The following MEF2A variants were observed in gnomAD, a reference collection of about 807,000 sequenced individuals.
MEF2A encodes the protein myocyte-specific enhancer factor 2A.
MEF2A carries 28 observed loss-of-function variants against 55.8 expected under a neutral mutation model. That is an observed-to-expected ratio of 0.50 (90% confidence interval 0.37 to 0.69). The LOEUF (loss-of-function observed/expected upper bound fraction) is 0.69. Among genes scored for constraint, MEF2A ranks in the 30% least tolerant of loss-of-function variants. The pLI, the probability that MEF2A is intolerant of heterozygous loss-of-function variation, is 0.00. For synonymous variants in MEF2A, 239 were observed against 227.1 expected (o/e 1.05, Z -0.47); for missense variants, 528 against 626.2 (o/e 0.84, Z 1.67).
intron 4 of MEF2A, among the ~76,000 whole-genome samples, chr15:99,655,005 A>T (rs997112538): frequency 6.6e-6 from 1 of 152,168 alleles, no homozygotes; most frequent in African/African-American, 2.4e-5. Context: ...TTCTAATTGT[A>T]CTGTTTAAAT....
chr15:99,574,476 G>A (rs1394813301), intron 1 of MEF2A, among the ~76,000 whole-genome samples: 4 of 152,134 alleles, frequency 2.6e-5, no homozygotes, highest in African/African-American at 7.2e-5. Context: ...ATCAGTGGGA[G>A]CCCAGAGCTT....
intron 2 of MEF2A, among the ~76,000 whole-genome samples, chr15:99,629,003 G>T: frequency 4.8e-5 from 6 of 125,364 alleles, no homozygotes; most frequent in East Asian, 2.4e-4. Context: ...ATTTTGGTTT[G>T]GCATTTCCCC....
intron 8 of MEF2A, among the ~76,000 whole-genome samples, chr15:99,698,137 A>C (rs2056786603): frequency 6.6e-6 from 1 of 152,230 alleles, no homozygotes; most frequent in Non-Finnish European, 1.5e-5. Flanking sequence ...TAGAGGAGAA[A>C]ATCCAACACA....
chr15:99,608,456 A>T (rs370476803), intron 2 of MEF2A, among the ~76,000 whole-genome samples: 2 of 152,206 alleles, frequency 1.3e-5, no homozygotes, highest in East Asian at 3.8e-4. Context: ...ACTTGTTATT[A>T]ATCAGAGAAA....
chr15:99,677,839 C>A (rs905901959), intron 7 of MEF2A, among the ~76,000 whole-genome samples: 2 of 151,952 alleles, frequency 1.3e-5, no homozygotes, highest in Non-Finnish European at 2.9e-5. Context: ...AAAAGGACAG[C>A]AAATTAAACA....
intron 10 of MEF2A, among the ~76,000 whole-genome samples, chr15:99,709,553 CTG>C (rs888209149): frequency 6.6e-6 from 1 of 152,236 alleles, no homozygotes; most frequent in African/African-American, 2.4e-5. Context: ...TGAGCACCAG[CTG>C]TGTCGCTTCA....
At chr15:99,680,816 G>A (rs1357198903) in intron 7 of MEF2A, among the ~76,000 whole-genome samples, 2 of 152,116 alleles carry the variant, frequency 1.3e-5, no homozygotes, top group African/African-American at 2.4e-5. Context: ...TCTAGTTTCA[G>A]TGATGCTGTA....
At chr15:99,670,995 G>A (rs1392217338) in intron 4 of MEF2A, among the ~76,000 whole-genome samples, 1 of 152,128 alleles carries the variant, frequency 6.6e-6, no homozygotes, top group Non-Finnish European at 1.5e-5. Flanking sequence ...TTCATGCATT[G>A]GTTATATCAT....
At chr15:99,617,223 G>A (rs576845377) in intron 2 of MEF2A, among the ~76,000 whole-genome samples, 2 of 149,350 alleles carry the variant, frequency 1.3e-5, no homozygotes, top group South Asian at 4.2e-4. Context: ...CTTCAGAACT[G>A]TATGAGAAGT....
intron 1 of MEF2A, among the ~76,000 whole-genome samples, chr15:99,584,184 A>G (rs1010895210): frequency 7.2e-5 from 11 of 152,204 alleles, no homozygotes; most frequent in African/African-American, 2.4e-4. Context: ...GACCACCGTC[A>G]TTTATGTGGT....
chr15:99,600,657 C>T (rs1972665661), intron 2 of MEF2A, among the ~76,000 whole-genome samples: 1 of 151,966 alleles, frequency 6.6e-6, no homozygotes, highest in South Asian at 2.1e-4. Flanking sequence ...TTTTTGAAAA[C>T]ATTATATTTT....
At chr15:99,683,820 A>T (rs185833354) in intron 7 of MEF2A, among the ~76,000 whole-genome samples, 1 of 151,882 alleles carries the variant, frequency 6.6e-6, no homozygotes, top group Admixed American at 6.6e-5. Context: ...AGAGCAGTGT[A>T]CCCTGTACCC....
intron 1 of MEF2A, among the ~76,000 whole-genome samples, chr15:99,597,786 T>C (rs7176008): frequency 0.46 from 70,089 of 151,976 alleles, 17,794 homozygotes; most frequent in Middle Eastern, 0.61. Flanking sequence ...TTAAGGAAAA[T>C]AGAAAAGAAC....
chr15:99,710,126 CCAGA>C (rs2058467941), intron 10 of MEF2A, among the ~76,000 whole-genome samples: 1 of 152,164 alleles, frequency 6.6e-6, no homozygotes, highest in Non-Finnish European at 1.5e-5. Flanking sequence ...TTGAATCATC[CCAGA>C]CAAAGAAATA....
intron 2 of MEF2A, among the ~76,000 whole-genome samples, chr15:99,627,638 G>C (rs547858908): frequency 2.6e-5 from 4 of 152,192 alleles, no homozygotes; most frequent in African/African-American, 9.6e-5. Flanking sequence ...TAGAATATTA[G>C]AATTACATTT....
At chr15:99,706,631 C>T in intron 9 of MEF2A, 98 bp from the exon 10 acceptor site, 1 of 1,335,920 alleles carries the variant, frequency 7.5e-7, no homozygotes, top group South Asian at 1.2e-5. Flanking sequence ...AAATGACATT[C>T]ATATGAAACT....
At chr15:99,637,933 G>GC (rs1015459202) in intron 3 of MEF2A, among the ~76,000 whole-genome samples, 3 of 152,078 alleles carry the variant, frequency 2.0e-5, no homozygotes, top group East Asian at 3.8e-4. Context: ...GTGAGCCACC[G>GC]CCCCCAGCCC....
intron 5 of MEF2A, 37 bp downstream of exon 5, chr15:99,671,491 T>C: frequency 6.2e-7 from 1 of 1,613,926 alleles, no homozygotes; most frequent in Non-Finnish European, 8.5e-7. Context: ...TTTTATTTGT[T>C]GATCCTTTTT....
intron 2 of MEF2A, among the ~76,000 whole-genome samples, chr15:99,608,547 T>G (rs1975947912): frequency 1.3e-5 from 2 of 152,214 alleles, no homozygotes; most frequent in Admixed American, 1.3e-4. Context: ...CCCATCCTGT[T>G]TTTGTTTTGG....
Sources: allele counts gnomAD v4.1 joint callset (sites outside exome capture counted in the v4.1 genomes callset), GRCh38; gene constraint gnomAD v4.1.1; transcripts MANE v1.5; gene names NCBI Gene and HGNC (gene_info 2026-07-23, HGNC 2026-07-21).